Variants in SH3RF2 observed in about 807,000 individuals in gnomAD.
The protein encoded by SH3RF2 is E3 ubiquitin-protein ligase SH3RF2.
In SH3RF2, 43 loss-of-function variants were observed where a neutral mutation model predicts 59.0. The ratio of observed to expected loss-of-function variants is 0.73; its 90% CI spans 0.57 to 0.94. The LOEUF is 0.94. Among genes scored for constraint, SH3RF2 ranks in the 40% least tolerant of loss-of-function variants. The pLI is 0.00. For missense variants in SH3RF2, 930 were observed against 940.1 expected (o/e 0.99, Z 0.14); for synonymous variants, 391 against 391.5 (o/e 1.00, Z 0.01).
chr5:146,059,167 T>C (rs1441477550), intron 8 of SH3RF2, among the ~76,000 whole-genome samples: 1 of 152,202 alleles, frequency 6.6e-6, no homozygotes, highest in East Asian at 1.9e-4. Context: ...GGAGGAGGTC[T>C]GATTCCAGAT....
intron 2 of SH3RF2, among the ~76,000 whole-genome samples, chr5:145,984,904 C>T (rs762581166): frequency 6.5e-4 from 99 of 152,200 alleles, no homozygotes; most frequent in Non-Finnish European, 1.2e-3. Context: ...TGCCTGTAAT[C>T]CCAGCACTTT....
chr5:145,952,799 G>T (rs752826573), intron 2 of SH3RF2, among the ~76,000 whole-genome samples: 1 of 152,094 alleles, frequency 6.6e-6, no homozygotes, highest in African/African-American at 2.4e-5. Context: ...AAGAGAGGGC[G>T]GCCAAGAAAG....
In SH3RF2 at chr5:145,988,318, G is replaced by A. The variant is rs138165646; in HGVS notation, c.379-11740G>A. 1.7e-3 allele frequency among the ~76,000 whole-genome samples: 262 copies of A among 151,432 alleles called. 1 individual carries two copies. Among genetic ancestry groups the A allele is most frequent in the African/African-American group, 5.5e-3 (226 of 41,216 alleles). On this transcript the variant is annotated intron_variant, in intron 2 of 9. Coordinates refer to ENST00000359120, the MANE Select transcript of SH3RF2 (RefSeq NM_152550.4). ...TCACATTGTTAGCTTAGACTATCTC[G>A]TGTGACCCAAGGCCTCCAGGTAGAC... is the stretch of plus-strand genomic sequence containing the variant.
intron 7 of SH3RF2, among the ~76,000 whole-genome samples, chr5:146,054,518 C>T (rs1762601514): frequency 6.6e-6 from 1 of 152,196 alleles, no homozygotes; most frequent in South Asian, 2.1e-4. Context: ...TCCCACTGCC[C>T]AGGCCTTGTC....
rs776284231 is a variant in SH3RF2 at position 146,056,181 on chromosome 5, C to A, written c.1523C>A (p.Ser508Tyr). ...TAGPGTLGQGSLRKGRSSMRK... is the reference protein window; with the variant it reads ...TAGPGTLGQGYLRKGRSSMRK... ...GGCCCTGGGACTTTAGGACAAGGGT[C>A]TCTTCGGAAAGGGCGGAGCAGCATG... The change falls in exon 8 of 10, where the codon TCT (serine) becomes TAT (tyrosine). Residue 508 changes from serine (S) to tyrosine (Y), a missense_variant. Ser to Tyr is a moderately radical substitution (Grantham distance 144, BLOSUM62 -2). Coordinates refer to ENST00000359120, the MANE Select transcript of SH3RF2 (RefSeq NM_152550.4). The A allele has an allele frequency of 1.6e-5, 26 of 1,614,086 alleles. No individual in the cohort carries two copies. The Admixed American group carries it at 3.3e-4, about 21-fold the overall frequency.
chr5:145,961,887 G>A (rs1758644716), intron 2 of SH3RF2, among the ~76,000 whole-genome samples: 1 of 152,152 alleles, frequency 6.6e-6, no homozygotes, highest in Admixed American at 6.5e-5. Flanking sequence ...GGGATTTGGA[G>A]GCTAGACCTC....
chr5:145,946,017 G>A (rs1315525767), intron 2 of SH3RF2, among the ~76,000 whole-genome samples: 1 of 152,210 alleles, frequency 6.6e-6, no homozygotes, highest in Non-Finnish European at 1.5e-5. Context: ...ATGAACACCA[G>A]CAAGAACATC....
At chr5:146,034,325 C>G (rs1160719489) in intron 5 of SH3RF2, among the ~76,000 whole-genome samples, 2 of 152,170 alleles carry the variant, frequency 1.3e-5, no homozygotes, top group African/African-American at 4.8e-5. Flanking sequence ...GGCTTGCTTG[C>G]AGGGTAGCTG....
chr5:146,014,421 CGA>C (rs932549253), intron 5 of SH3RF2, among the ~76,000 whole-genome samples: 2 of 152,080 alleles, frequency 1.3e-5, no homozygotes, highest in African/African-American at 4.8e-5. Flanking sequence ...CCTATTTTCT[CGA>C]GAGTGTTTTG....
intron 1 of SH3RF2, 124 bp from the exon 2 acceptor site, chr5:145,937,699 T>C (rs1196577925): frequency 5.4e-6 from 3 of 557,008 alleles, no homozygotes; most frequent in East Asian, 5.9e-5. Flanking sequence ...ATGAGTCATT[T>C]GAAACTTGGG....
rs533845497 is a variant in SH3RF2, at chr5:146,076,666, T to G, written c.*34-1794T>G. ...TTGCTGTTGTGCTGAATGGAGCACA[T>G]TAGCTAATGAGGAAGTGCTGCATTG... On this transcript the variant is annotated intron_variant, in intron 9 of 9. Transcript: ENST00000511217. Among the ~76,000 whole-genome samples, 4 of 152,266 alleles carry G rather than the reference T, an allele frequency of 2.6e-5. No individual in the cohort carries two copies. The South Asian group carries it at 6.2e-4, about 24-fold the overall frequency.
chr5:146,043,584 T>A (rs6898427), intron 5 of SH3RF2, among the ~76,000 whole-genome samples: 1 of 152,078 alleles, frequency 6.6e-6, no homozygotes, highest in Non-Finnish European at 1.5e-5. Flanking sequence ...AGATACCAGA[T>A]GTTTGCATCA....
At chr5:146,027,341 G>A (rs1402571274) in intron 5 of SH3RF2, among the ~76,000 whole-genome samples, 1 of 152,152 alleles carries the variant, frequency 6.6e-6, no homozygotes, top group Non-Finnish European at 1.5e-5. Flanking sequence ...TACACACCTC[G>A]CAGTTTTTTC....
intron 9 of SH3RF2, among the ~76,000 whole-genome samples, chr5:146,061,656 A>G (rs1762896917): frequency 6.6e-6 from 1 of 152,120 alleles, no homozygotes; most frequent in African/African-American, 2.4e-5. Context: ...TACTGTACCT[A>G]TGGGTGCCTA....
chr5:145,950,153 TGTC>T (rs1758140266), intron 2 of SH3RF2, among the ~76,000 whole-genome samples: 1 of 152,214 alleles, frequency 6.6e-6, no homozygotes, highest in African/African-American at 2.4e-5. Context: ...CAAAGAAACA[TGTC>T]TTCTTTAATC....
At chr5:146,077,257 G>T (rs1192129542) in intron 9 of SH3RF2, among the ~76,000 whole-genome samples, 2 of 152,220 alleles carry the variant, frequency 1.3e-5, no homozygotes, top group African/African-American at 4.8e-5. Context: ...AGCCTAGAAA[G>T]AGAAAGGAGG....
In SH3RF2 at chr5:145,937,824, C is replaced by T; in HGVS notation, c.-105C>T. The T allele has an allele frequency of 7.1e-7, 1 of 1,415,658 alleles. No individual in the cohort carries two copies. The highest frequency in any genetic ancestry group is 9.5e-7 in the Non-Finnish European group (1 of 1,054,212). The allele number at this position is 1,415,658 out of a possible 1,614,324, so 87.7% of individuals were successfully genotyped here. On this transcript the variant is annotated splice_region_variant and 5_prime_UTR_variant, in exon 2 of 10. Coordinates refer to ENST00000359120, the MANE Select transcript of SH3RF2 (RefSeq NM_152550.4). The stretch of plus-strand genomic sequence containing the variant: ...CTCTCCTCTCCCTCCTTCAAGCAGG[C>T]AAAAATTCTGACGTTCTCAAGAGAC...
chr5:146,014,646 C>T (rs1761037369), intron 5 of SH3RF2, among the ~76,000 whole-genome samples: 1 of 152,112 alleles, frequency 6.6e-6, no homozygotes, highest in Non-Finnish European at 1.5e-5. Flanking sequence ...AGCATTAAAC[C>T]AAGCAAAGAG....
At chr5:145,992,739 C>G (rs1759997381) in intron 2 of SH3RF2, among the ~76,000 whole-genome samples, 1 of 152,046 alleles carries the variant, frequency 6.6e-6, no homozygotes, top group Admixed American at 6.6e-5. Flanking sequence ...AAAGACTTGC[C>G]CCTGTGATTC....
Sources: allele counts gnomAD v4.1 joint callset (sites outside exome capture counted in the v4.1 genomes callset), GRCh38; gene constraint gnomAD v4.1.1; transcripts MANE v1.5; gene names NCBI Gene and HGNC (gene_info 2026-07-23, HGNC 2026-07-21).